Variants in PCDH15 observed in about 807,000 individuals in gnomAD.
PCDH15 encodes protocadherin-15.
In PCDH15, 129 loss-of-function variants were observed where a neutral mutation model predicts 178.5. The ratio of observed to expected loss-of-function variants is 0.72; its 90% CI spans 0.63 to 0.84. PCDH15 has a LOEUF of 0.84. Among genes scored for constraint, PCDH15 ranks in the 40% least tolerant of loss-of-function variants. The pLI, the probability that PCDH15 is intolerant of heterozygous loss-of-function variation, is 0.00. For synonymous variants in PCDH15, 800 were observed against 732.0 expected (o/e 1.09, Z -1.50); for missense variants, 2,230 against 2,099.9 (o/e 1.06, Z -1.21).
At chr10:55,057,002 C>T (rs1261830162) in intron 2 of PCDH15, among the ~76,000 whole-genome samples, 2 of 151,876 alleles carry the variant, frequency 1.3e-5, no homozygotes, top group African/African-American at 4.8e-5. Context: ...GCATAGCATC[C>T]CCTATATTTA....
intron 3 of PCDH15, among the ~76,000 whole-genome samples, chr10:54,819,533 T>C (rs546117882): frequency 1.8e-4 from 27 of 152,164 alleles, no homozygotes; most frequent in Non-Finnish European, 3.1e-4. Flanking sequence ...TTCTTATTGA[T>C]ATCTTATTAT....
At chr10:55,262,742 T>C (rs1842179075) in intron 1 of PCDH15, among the ~76,000 whole-genome samples, 1 of 152,134 alleles carries the variant, frequency 6.6e-6, no homozygotes, top group Non-Finnish European at 1.5e-5. Context: ...GCGCTCATTC[T>C]CCAAGCCCAT....
chr10:54,798,180 A>G (rs1952244590), intron 1 of PCDH15, among the ~76,000 whole-genome samples: 1 of 151,270 alleles, frequency 6.6e-6, no homozygotes, highest in Non-Finnish European at 1.5e-5. Context: ...AATTACTCAC[A>G]TTAGCTTTTT....
intron 2 of PCDH15, among the ~76,000 whole-genome samples, chr10:55,464,724 G>A (rs1547716): frequency 0.77 from 112,658 of 147,110 alleles, 44,443 homozygotes; most frequent in East Asian, 0.99. Context: ...TTATGTGTGT[G>A]TATATATATA....
chr10:55,537,686 G>A (rs1328128514), intron 2 of PCDH15, among the ~76,000 whole-genome samples: 4 of 151,990 alleles, frequency 2.6e-5, no homozygotes, highest in Middle Eastern at 3.4e-3. Context: ...CACCCCCGTC[G>A]GCCTGCCAAA....
At chr10:55,229,090 A>G (rs879835563) in intron 1 of PCDH15, among the ~76,000 whole-genome samples, 3 of 151,998 alleles carry the variant, frequency 2.0e-5, no homozygotes, top group Admixed American at 6.6e-5. Flanking sequence ...GGTAAACTCT[A>G]TACAAATAAA....
intron 2 of PCDH15, chr10:55,366,111 T>C (rs950137632): frequency 3.3e-5 from 5 of 152,182 alleles, no homozygotes; most frequent in African/African-American, 1.2e-4. Flanking sequence ...CTACTGTCTC[T>C]TACTTCTTAG....
At chr10:54,792,050 CCAA>C (rs1951466775) in intron 1 of PCDH15, among the ~76,000 whole-genome samples, 2 of 151,850 alleles carry the variant, frequency 1.3e-5, no homozygotes, top group Non-Finnish European at 2.9e-5. Flanking sequence ...GACCTAAGGG[CCAA>C]CAACAACATG....
At chr10:54,104,307 A>T (rs768074548) in intron 15 of PCDH15, among the ~76,000 whole-genome samples, 4 of 152,152 alleles carry the variant, frequency 2.6e-5, no homozygotes, top group Non-Finnish European at 5.9e-5. Context: ...CCTCCCACAC[A>T]TCCCCATTCC....
chr10:55,548,387 A>G (rs2132084912), intron 2 of PCDH15, among the ~76,000 whole-genome samples: 1 of 152,238 alleles, frequency 6.6e-6, no homozygotes, highest in East Asian at 1.9e-4. Context: ...TATACTGTAA[A>G]TGCCTTGTTT....
chr10:54,283,336 C>CT (rs1232394054), intron 8 of PCDH15, among the ~76,000 whole-genome samples: 1 of 152,120 alleles, frequency 6.6e-6, no homozygotes, highest in Non-Finnish European at 1.5e-5. Flanking sequence ...TTAAAATAAA[C>CT]TTACAGCCTT....
At chr10:54,435,709 G>A (rs1197272322) in intron 3 of PCDH15, among the ~76,000 whole-genome samples, 1 of 152,142 alleles carries the variant, frequency 6.6e-6, no homozygotes, top group African/African-American at 2.4e-5. Context: ...GGTGGCTCAC[G>A]CCTGTAATTT....
intron 2 of PCDH15, among the ~76,000 whole-genome samples, chr10:55,593,966 A>T: frequency 6.6e-6 from 1 of 151,894 alleles, no homozygotes; most frequent in East Asian, 1.9e-4. Context: ...GGAAACTCAT[A>T]GGAATTAGAT....
At chr10:54,920,297 C>G (rs959846257) in intron 2 of PCDH15, among the ~76,000 whole-genome samples, 2 of 151,832 alleles carry the variant, frequency 1.3e-5, no homozygotes, top group South Asian at 2.1e-4. Context: ...GGTGAAACCC[C>G]GTCTCTACTA....
intron 2 of PCDH15, among the ~76,000 whole-genome samples, chr10:54,644,513 C>A (rs1430350708): frequency 6.6e-6 from 1 of 151,758 alleles, no homozygotes; most frequent in Non-Finnish European, 1.5e-5. Context: ...TAGTTGACTC[C>A]TTCTGGTATT....
intron 2 of PCDH15, among the ~76,000 whole-genome samples, chr10:55,443,985 G>C (rs1404513542): frequency 6.6e-6 from 1 of 152,034 alleles, no homozygotes; most frequent in Non-Finnish European, 1.5e-5. Flanking sequence ...TCCTTCGAAG[G>C]GAAATGCATG....
intron 1 of PCDH15, among the ~76,000 whole-genome samples, chr10:54,763,602 G>A (rs1948149844): frequency 6.6e-6 from 1 of 151,930 alleles, no homozygotes; most frequent in South Asian, 2.1e-4. Flanking sequence ...ATAGCTAAAA[G>A]AGAATATTTG....
At chr10:55,533,755 A>G (rs1399910886) in intron 2 of PCDH15, among the ~76,000 whole-genome samples, 5 of 152,208 alleles carry the variant, frequency 3.3e-5, no homozygotes, top group Non-Finnish European at 5.9e-5. Context: ...AACCAAAAAA[A>G]AAGAGCATGA....
At chr10:54,488,810 T>G (rs768723656) in intron 3 of PCDH15, among the ~76,000 whole-genome samples, 4 of 151,928 alleles carry the variant, frequency 2.6e-5, no homozygotes, top group Non-Finnish European at 5.9e-5. Context: ...TAGATTATAA[T>G]ATCAAAAAAT....
Sources: gnomAD v4.1 joint callset for allele counts (sites outside exome capture counted in the v4.1 genomes callset) on GRCh38, gnomAD v4.1.1 for gene constraint, MANE v1.5 for transcripts, NCBI Gene and HGNC (gene_info 2026-07-23, HGNC 2026-07-21) for gene names.